HERC3: variants seen among roughly 807,000 people sequenced by gnomAD.
HERC3 encodes the protein probable E3 ubiquitin-protein ligase HERC3.
A neutral mutation model predicts 129.9 loss-of-function variants in HERC3; 58 were observed. That is an observed-to-expected ratio of 0.45 (90% CI 0.36 to 0.56). The LOEUF (loss-of-function observed/expected upper bound fraction) is 0.56. Among genes scored for constraint, HERC3 ranks in the 20% least tolerant of loss-of-function variants. The probability of loss-of-function intolerance (pLI) is 0.00; values close to 1 mark genes in which losing one functional copy is unlikely to be tolerated. For missense variants in HERC3, 835 were observed against 1,244.2 expected, an observed-to-expected ratio of 0.67 and a Z score of 4.95; for synonymous variants, 430 against 451.0, an observed-to-expected ratio of 0.95 and a Z score of 0.59.
intron 3 of HERC3, among the ~76,000 whole-genome samples, chr4:88,607,378 C>T (rs10010053): frequency 0.096 from 14,552 of 152,106 alleles, 1,068 homozygotes; most frequent in South Asian, 0.23. Context: ...GGGACTAATT[C>T]GTTTCCTTAA....
intron 23 of HERC3, chr4:88,697,901 G>A: frequency 1.8e-6 from 2 of 1,105,764 alleles, no homozygotes; most frequent in Non-Finnish European, 2.6e-6. Context: ...TCCTGCTTTC[G>A]CGGCACTTGA....
At chr4:88,663,833 C>T (rs148234788) in intron 11 of HERC3, among the ~76,000 whole-genome samples, 192 of 152,248 alleles carry the variant, frequency 1.3e-3, no homozygotes, top group African/African-American at 4.0e-3. Flanking sequence ...TTCTGTGTTT[C>T]TCTTTGGAGT....
intron 3 of HERC3, among the ~76,000 whole-genome samples, chr4:88,624,161 C>T (rs1012251897): frequency 6.6e-5 from 10 of 152,196 alleles, no homozygotes; most frequent in African/African-American, 2.4e-4. Context: ...TGGATAGAGT[C>T]ACCAGTTCAT....
chr4:88,640,953 G>T (rs903281194), intron 3 of HERC3, among the ~76,000 whole-genome samples: 1 of 151,968 alleles, frequency 6.6e-6, no homozygotes, highest in East Asian at 1.9e-4. Flanking sequence ...CCATCAAACG[G>T]ACTAGATATG....
chr4:88,593,122 G>T (rs540282719), intron 1 of HERC3: 1 of 152,282 alleles, frequency 6.6e-6, no homozygotes, highest in Non-Finnish European at 1.5e-5. Context: ...CGCGGTGCAC[G>T]GCGTCCGCGA....
At chr4:88,529,582 C>T in the HERC3 span, among the ~76,000 whole-genome samples, 13 of 152,030 alleles carry the variant, frequency 8.6e-5, no homozygotes, top group East Asian at 1.9e-4. Flanking sequence ...GGTGAAACCC[C>T]GTCTCTACTA....
chr4:88,678,057 C>G lies in HERC3; in HGVS notation c.2119C>G (p.Arg707Gly), dbSNP rs768063981. 6.2e-6 allele frequency: 10 copies of G among 1,613,942 alleles called. No homozygotes were observed. In the South Asian group the frequency reaches 1.1e-4, roughly 18 times the overall value. ...AAGCCCCTTCCTGGTCCTTCACGTT[C>G]GCAGGAACAACCTTGTTGGAGATGC... Reference protein sequence around the residue: ...ARSPFLVLHVRRNNLVGDALR... With the variant: ...ARSPFLVLHVGRNNLVGDALR... Residue 707 changes from arginine (R) to glycine (G), a missense_variant, in exon 19 of 26, where the codon CGC becomes GGC. Physicochemically the swap from Arg to Gly is moderately radical, Grantham distance 125 (BLOSUM62 -2). Coordinates refer to ENST00000402738, the MANE Select transcript of HERC3 (RefSeq NM_014606.3).
the HERC3 span, among the ~76,000 whole-genome samples, chr4:88,535,950 T>C: frequency 6.6e-6 from 1 of 152,228 alleles, no homozygotes; most frequent in Non-Finnish European, 1.5e-5. Context: ...ATCCAATTCT[T>C]GGTTCCATTT....
At chr4:88,600,453 T>C (rs1722855581) in intron 2 of HERC3, among the ~76,000 whole-genome samples, 1 of 152,222 alleles carries the variant, frequency 6.6e-6, no homozygotes, top group Non-Finnish European at 1.5e-5. Flanking sequence ...TTAATATATA[T>C]TTCTTACTAA....
intron 3 of HERC3, among the ~76,000 whole-genome samples, chr4:88,619,998 C>T (rs1316526404): frequency 6.6e-6 from 1 of 152,188 alleles, no homozygotes; most frequent in Non-Finnish European, 1.5e-5. Context: ...GTAATACAGT[C>T]AACTGGCTGT....
chr4:88,551,513 G>T, the HERC3 span, among the ~76,000 whole-genome samples: 1 of 150,926 alleles, frequency 6.6e-6, no homozygotes, highest in Non-Finnish European at 1.5e-5. Flanking sequence ...CATTTATGCA[G>T]CCAAAAGACA....
At chr4:88,532,888 G>A in the HERC3 span, among the ~76,000 whole-genome samples, 3 of 152,198 alleles carry the variant, frequency 2.0e-5, no homozygotes, top group Non-Finnish European at 2.9e-5. Flanking sequence ...AATCCCATAT[G>A]TATTAGAGTT....
intron 4 of HERC3, among the ~76,000 whole-genome samples, chr4:88,651,205 G>A (rs1325436439): frequency 6.6e-6 from 1 of 152,082 alleles, no homozygotes; most frequent in East Asian, 1.9e-4. Flanking sequence ...GTTTTTAACG[G>A]CATTTCATTT....
intron 23 of HERC3, among the ~76,000 whole-genome samples, chr4:88,691,276 C>G (rs116518700): frequency 0.016 from 2,449 of 152,282 alleles, 62 homozygotes; most frequent in African/African-American, 0.056. Context: ...ATCCATGCTA[C>G]TTTAGGCACT....
chr4:88,704,506 A>G lies in HERC3; in HGVS notation c.2842-2A>G. 6.3e-7 allele frequency: 1 copy of G among 1,590,408 alleles called. No homozygotes were observed. The highest frequency in any genetic ancestry group is 1.1e-5 in the South Asian group (1 of 90,422). On this transcript the variant is annotated splice_acceptor_variant, in intron 24 of 25. Transcript: ENST00000402738. LOFTEE classifies it high-confidence loss of function. ...TTTTTTCTTTTTCTCTTTTTTGGAC[A>G]GACTGCCATCTACAAGGGAGATTAC...
chr4:88,640,521 C>T (rs578170297), intron 3 of HERC3, among the ~76,000 whole-genome samples: 10 of 152,074 alleles, frequency 6.6e-5, no homozygotes, highest in Admixed American at 3.3e-4. Context: ...GGGAGTTGAA[C>T]AATGAGAACA....
intron 18 of HERC3, among the ~76,000 whole-genome samples, chr4:88,676,716 T>A (rs887062161): frequency 7.9e-5 from 12 of 152,236 alleles, no homozygotes; most frequent in Non-Finnish European, 1.6e-4. Context: ...AAAGCAGTGA[T>A]AGACAATATA....
chr4:88,617,030 C>T (rs776233213), intron 3 of HERC3, among the ~76,000 whole-genome samples: 31 of 151,924 alleles, frequency 2.0e-4, no homozygotes, highest in African/African-American at 6.8e-4. Flanking sequence ...TTTTTTTGGG[C>T]GCCAGAATTG....
chr4:88,667,239 T>C (rs973570022), intron 12 of HERC3, 138 bp from the exon 13 acceptor site: 4 of 471,204 alleles, frequency 8.5e-6, no homozygotes, highest in African/African-American at 8.1e-5. Context: ...ATGCAAAGTG[T>C]AGTATTTTTG....
Sources: allele counts gnomAD v4.1 joint callset (sites outside exome capture counted in the v4.1 genomes callset), GRCh38; gene constraint gnomAD v4.1.1; transcripts MANE v1.5; gene names NCBI Gene and HGNC (gene_info 2026-07-23, HGNC 2026-07-21).